CNTNAP2: variants seen among roughly 807,000 people sequenced by gnomAD.
The protein encoded by CNTNAP2 is contactin associated protein 2.
CNTNAP2 carries 98 observed loss-of-function variants against 155.2 expected under a neutral mutation model. The ratio of observed to expected loss-of-function variants is 0.63; its 90% CI spans 0.54 to 0.75. The LOEUF (loss-of-function observed/expected upper bound fraction) is 0.75, where lower values mean the gene tolerates loss of function less well. Ranked by LOEUF, CNTNAP2 falls within the 30% of genes least tolerant of loss-of-function variation. CNTNAP2 has a pLI of 0.00. For synonymous variants in CNTNAP2, 651 were observed against 631.2 expected (o/e 1.03, Z -0.47); for missense variants, 1,727 against 1,688.1 (o/e 1.02, Z -0.40).
At chr7:147,900,679 C>T (rs1460668551) in intron 13 of CNTNAP2, among the ~76,000 whole-genome samples, 1 of 152,048 alleles carries the variant, frequency 6.6e-6, no homozygotes, top group Non-Finnish European at 1.5e-5. Context: ...TACAGTGGTG[C>T]AATCTCTGCT....
intron 13 of CNTNAP2, among the ~76,000 whole-genome samples, chr7:147,877,725 GT>G (rs1319243637): frequency 6.6e-6 from 1 of 151,326 alleles, no homozygotes; most frequent in East Asian, 1.9e-4. Flanking sequence ...GTTGTGTCTG[GT>G]TTTTTTTCAT....
At chr7:146,271,981 C>G (rs1317106121) in intron 1 of CNTNAP2, among the ~76,000 whole-genome samples, 1 of 152,134 alleles carries the variant, frequency 6.6e-6, no homozygotes, top group Non-Finnish European at 1.5e-5. Flanking sequence ...CCAATAAATT[C>G]ATGAAAACAT....
chr7:146,940,364 T>G (rs1797025773), intron 3 of CNTNAP2, among the ~76,000 whole-genome samples: 2 of 151,980 alleles, frequency 1.3e-5, no homozygotes, highest in Admixed American at 1.3e-4. Context: ...GTCCAGCTAA[T>G]TTTTTGTATT....
chr7:146,631,123 C>T (rs902634078), intron 1 of CNTNAP2, among the ~76,000 whole-genome samples: 1 of 151,996 alleles, frequency 6.6e-6, no homozygotes, highest in Non-Finnish European at 1.5e-5. Flanking sequence ...GCAAAAAGAA[C>T]AAAGCTGGAG....
chr7:146,568,203 T>C (rs571887348), intron 1 of CNTNAP2, among the ~76,000 whole-genome samples: 1 of 152,242 alleles, frequency 6.6e-6, no homozygotes, highest in East Asian at 1.9e-4. Flanking sequence ...AACAGAAGGA[T>C]TGATGAAAGG....
intron 13 of CNTNAP2, among the ~76,000 whole-genome samples, chr7:147,863,687 T>A (rs1175699013): frequency 6.6e-6 from 1 of 152,226 alleles, no homozygotes; most frequent in Non-Finnish European, 1.5e-5. Context: ...TCAGTGATGA[T>A]GAGCATTTTT....
intron 1 of CNTNAP2, among the ~76,000 whole-genome samples, chr7:146,183,594 T>G (rs1798580020): frequency 7.0e-6 from 1 of 142,554 alleles, no homozygotes; most frequent in Non-Finnish European, 1.5e-5. Context: ...TCAGGAGAAT[T>G]TATCACCACA....
At chr7:147,476,252 C>T (rs2116618626) in intron 10 of CNTNAP2, among the ~76,000 whole-genome samples, 1 of 152,028 alleles carries the variant, frequency 6.6e-6, no homozygotes, top group Middle Eastern at 3.4e-3. Flanking sequence ...ACTACAGGCG[C>T]CCGCCACCAT....
intron 2 of CNTNAP2, among the ~76,000 whole-genome samples, chr7:146,797,076 C>T (rs1802783967): frequency 6.6e-6 from 1 of 152,082 alleles, no homozygotes; most frequent in African/African-American, 2.4e-5. Context: ...GTGGAGCTTG[C>T]AGTGAGCCAA....
At chr7:147,017,160 T>C (rs12112595) in intron 3 of CNTNAP2, among the ~76,000 whole-genome samples, 166 of 152,130 alleles carry the variant, frequency 1.1e-3, no homozygotes, top group African/African-American at 3.9e-3. Context: ...CTGCTTCTTC[T>C]TCTGTCATAT....
intron 1 of CNTNAP2, among the ~76,000 whole-genome samples, chr7:146,675,671 A>G (rs1176159227): frequency 6.6e-6 from 1 of 152,198 alleles, no homozygotes; most frequent in African/African-American, 2.4e-5. Flanking sequence ...CCCACACCAT[A>G]GGAGCTTAAT....
chr7:148,133,982 T>C (rs1027231460), intron 16 of CNTNAP2: 1 of 152,190 alleles, frequency 6.6e-6, no homozygotes, highest in Non-Finnish European at 1.5e-5. Context: ...AGGAAGACCG[T>C]GCAACATAGA....
intron 9 of CNTNAP2, among the ~76,000 whole-genome samples, chr7:147,345,906 A>G (rs1377282030): frequency 6.6e-6 from 1 of 152,182 alleles, no homozygotes; most frequent in African/African-American, 2.4e-5. Flanking sequence ...AGAGATGGCA[A>G]TTTTAAGCAT....
At chr7:148,167,193 G>A (rs1805684678) in intron 17 of CNTNAP2, among the ~76,000 whole-genome samples, 1 of 152,146 alleles carries the variant, frequency 6.6e-6, no homozygotes, top group South Asian at 2.1e-4. Context: ...AGGCTGGAGT[G>A]CAATGGCATG....
intron 1 of CNTNAP2, among the ~76,000 whole-genome samples, chr7:146,378,428 A>C (rs531684910): frequency 6.6e-6 from 1 of 152,286 alleles, no homozygotes; most frequent in African/African-American, 2.4e-5. Context: ...CAATGACGAC[A>C]ACAAACCTAC....
intron 13 of CNTNAP2, among the ~76,000 whole-genome samples, chr7:147,736,106 C>A (rs1796838210): frequency 6.6e-6 from 1 of 151,266 alleles, no homozygotes; most frequent in African/African-American, 2.4e-5. Context: ...GATGCAGTTT[C>A]TTCCTAGCCT....
At chr7:148,161,425 G>A (rs1232385883) in intron 17 of CNTNAP2, among the ~76,000 whole-genome samples, 1 of 152,076 alleles carries the variant, frequency 6.6e-6, no homozygotes, top group Non-Finnish European at 1.5e-5. Flanking sequence ...TTCAGGGCCT[G>A]CATTGAGCTC....
chr7:147,098,898 T>C (rs912067043), intron 4 of CNTNAP2, among the ~76,000 whole-genome samples: 6 of 152,206 alleles, frequency 3.9e-5, no homozygotes, highest in Non-Finnish European at 7.3e-5. Context: ...TTTTATTTTA[T>C]ATAAATACAA....
intron 1 of CNTNAP2, among the ~76,000 whole-genome samples, chr7:146,452,988 T>A (rs146158031): frequency 2.5e-3 from 386 of 152,324 alleles, no homozygotes; most frequent in Non-Finnish European, 4.5e-3. Flanking sequence ...CCAGCTACTG[T>A]GTGGAAAGAA....
Sources: gnomAD v4.1 joint callset for allele counts (sites outside exome capture counted in the v4.1 genomes callset) on GRCh38, gnomAD v4.1.1 for gene constraint, MANE v1.5 for transcripts, NCBI Gene and HGNC (gene_info 2026-07-23, HGNC 2026-07-21) for gene names.